Variants in CTNNA2 observed in about 807,000 individuals in gnomAD.
The protein encoded by CTNNA2 is catenin alpha 2.
In CTNNA2, 42 loss-of-function variants were observed where a neutral mutation model predicts 101.0. The ratio of observed to expected loss-of-function variants is 0.42; its 90% CI spans 0.32 to 0.54. The LOEUF (loss-of-function observed/expected upper bound fraction) is 0.54, where lower values mean the gene tolerates loss of function less well. CTNNA2 is among the 20% of genes least tolerant of loss of function. The pLI, the probability that CTNNA2 is intolerant of heterozygous loss-of-function variation, is 0.14. For synonymous variants in CTNNA2, 450 were observed against 456.4 expected, an observed-to-expected ratio of 0.99 and a Z score of 0.18; for missense variants, 871 against 1,223.1, an observed-to-expected ratio of 0.71 and a Z score of 4.29.
At chr2:79,431,984 G>C (rs865959567) in intron 4 of CTNNA2, among the ~76,000 whole-genome samples, 3 of 152,186 alleles carry the variant, frequency 2.0e-5, no homozygotes, top group Admixed American at 2.0e-4. Context: ...CTGGTTCATA[G>C]AAATCTTACA....
At chr2:79,686,237 ATTC>A (rs549186497) in intron 2 of CTNNA2, among the ~76,000 whole-genome samples, 89 of 152,264 alleles carry the variant, frequency 5.8e-4, no homozygotes, top group African/African-American at 2.0e-3. Flanking sequence ...ATTGGACTTT[ATTC>A]TAAAGGCAAG....
intron 4 of CTNNA2, among the ~76,000 whole-genome samples, chr2:79,467,805 T>G (rs1159228190): frequency 6.6e-6 from 1 of 152,108 alleles, no homozygotes; most frequent in East Asian, 1.9e-4. Flanking sequence ...AGAACTAAAA[T>G]CCTTTACAGA....
intron 7 of CTNNA2, among the ~76,000 whole-genome samples, chr2:80,226,070 T>A (rs1352574619): frequency 6.6e-6 from 1 of 152,206 alleles, no homozygotes; most frequent in Non-Finnish European, 1.5e-5. Context: ...TAATAATCTT[T>A]TTTTCTGTGG....
intron 7 of CTNNA2, among the ~76,000 whole-genome samples, chr2:80,078,289 G>A (rs553274828): frequency 1.3e-5 from 2 of 152,258 alleles, no homozygotes; most frequent in South Asian, 2.1e-4. Flanking sequence ...TCAACAGGAA[G>A]TGCAGGGGAC....
chr2:79,452,963 C>A (rs980440504), intron 4 of CTNNA2, among the ~76,000 whole-genome samples: 4 of 152,048 alleles, frequency 2.6e-5, no homozygotes, highest in Admixed American at 2.6e-4. Flanking sequence ...AAATGCCTAC[C>A]ATCCTCTGCC....
chr2:80,232,004 C>G (rs1171776060), intron 7 of CTNNA2, among the ~76,000 whole-genome samples: 3 of 152,002 alleles, frequency 2.0e-5, no homozygotes, highest in Non-Finnish European at 1.5e-5. Context: ...TTAAGCCAGA[C>G]AGTCATTTCT....
chr2:80,040,208 T>A (rs1434196849), intron 7 of CTNNA2, among the ~76,000 whole-genome samples: 2 of 152,236 alleles, frequency 1.3e-5, no homozygotes, highest in Non-Finnish European at 2.9e-5. Flanking sequence ...ATTTATCTGC[T>A]GAGTTTAATT....
chr2:79,408,335 G>C (rs1678363964), intron 4 of CTNNA2, among the ~76,000 whole-genome samples: 1 of 150,282 alleles, frequency 6.7e-6, no homozygotes, highest in African/African-American at 2.5e-5. Context: ...TTAAGTTTTA[G>C]GGTACATGTA....
chr2:79,695,534 C>A (rs1020104211), intron 2 of CTNNA2, among the ~76,000 whole-genome samples: 3 of 151,950 alleles, frequency 2.0e-5, no homozygotes, highest in African/African-American at 7.2e-5. Context: ...CAGCTTTAAG[C>A]CTCTCCATGG....
intron 7 of CTNNA2, among the ~76,000 whole-genome samples, chr2:80,149,815 C>G (rs1055195721): frequency 1.4e-5 from 2 of 145,914 alleles, no homozygotes; most frequent in Admixed American, 1.4e-4. Context: ...CACACACACA[C>G]AGTGTATTCA....
At chr2:80,550,675 C>T (rs1692484966) in intron 11 of CTNNA2, among the ~76,000 whole-genome samples, 1 of 152,182 alleles carries the variant, frequency 6.6e-6, no homozygotes. Context: ...ATTCCTCATC[C>T]ATGAAGTTTG....
At chr2:80,397,731 A>C (rs1678155541) in intron 8 of CTNNA2, among the ~76,000 whole-genome samples, 1 of 152,162 alleles carries the variant, frequency 6.6e-6, no homozygotes, top group Non-Finnish European at 1.5e-5. Flanking sequence ...TTTTTATTAG[A>C]AGCGTGAGAA....
chr2:80,197,201 T>C (rs1172316608), intron 7 of CTNNA2, among the ~76,000 whole-genome samples: 1 of 152,204 alleles, frequency 6.6e-6, no homozygotes, highest in Non-Finnish European at 1.5e-5. Flanking sequence ...AATGGCTGCT[T>C]AGATAGTAGG....
At chr2:80,620,334 T>G (rs1670985505) in intron 18 of CTNNA2, among the ~76,000 whole-genome samples, 1 of 151,102 alleles carries the variant, frequency 6.6e-6, no homozygotes, top group South Asian at 2.1e-4. Flanking sequence ...GGTTTAAAAA[T>G]GAAGAGTCCT....
intron 18 of CTNNA2, among the ~76,000 whole-genome samples, chr2:80,627,972 GACAA>G (rs1488857964): frequency 2.0e-5 from 3 of 150,400 alleles, no homozygotes; most frequent in Non-Finnish European, 4.4e-5. Context: ...ACCAATAAGA[GACAA>G]ACAGAGAGCC....
At chr2:80,553,575 C>A (rs1692772036) in intron 11 of CTNNA2, among the ~76,000 whole-genome samples, 1 of 152,144 alleles carries the variant, frequency 6.6e-6, no homozygotes, top group African/African-American at 2.4e-5. Flanking sequence ...ATATAATTAA[C>A]AGACGTCTCA....
intron 9 of CTNNA2, among the ~76,000 whole-genome samples, chr2:80,485,951 C>A (rs903110977): frequency 5.3e-5 from 8 of 152,160 alleles, no homozygotes; most frequent in Middle Eastern, 3.4e-3. Context: ...TTTGATTTCA[C>A]CATATTTTTT....
At chr2:80,536,393 T>C (rs1691022897) in intron 9 of CTNNA2, among the ~76,000 whole-genome samples, 1 of 152,146 alleles carries the variant, frequency 6.6e-6, no homozygotes, top group Admixed American at 6.5e-5. Flanking sequence ...TTTACAGTGA[T>C]GATGAAATAT....
At chr2:79,997,248 C>T (rs926703819) in intron 7 of CTNNA2, among the ~76,000 whole-genome samples, 35 of 151,324 alleles carry the variant, frequency 2.3e-4, no homozygotes, top group African/African-American at 7.3e-4. Context: ...AGTATGGTGC[C>T]TAATAATCTT....
Sources: allele counts gnomAD v4.1 joint callset (sites outside exome capture counted in the v4.1 genomes callset), GRCh38; gene constraint gnomAD v4.1.1; transcripts MANE v1.5; gene names NCBI Gene and HGNC (gene_info 2026-07-23, HGNC 2026-07-21).